Variants in ZNF804B observed in about 807,000 individuals in gnomAD.
ZNF804B encodes the protein zinc finger 804B.
ZNF804B carries 80 observed loss-of-function variants against 101.4 expected under a neutral mutation model. The observed-to-expected ratio is 0.79, with a 90% confidence interval of 0.66 to 0.95. The LOEUF (loss-of-function observed/expected upper bound fraction) is 0.95. ZNF804B is among the 40% of genes least tolerant of loss of function. The pLI, the probability that ZNF804B is intolerant of heterozygous loss-of-function variation, is 0.00. For missense variants in ZNF804B, 1,673 were observed against 1,561.9 expected (o/e 1.07, Z -1.20); for synonymous variants, 622 against 558.8 (o/e 1.11, Z -1.59).
chr7:88,961,055 T>C (rs1793379866), intron 1 of ZNF804B, among the ~76,000 whole-genome samples: 1 of 151,430 alleles, frequency 6.6e-6, no homozygotes, highest in South Asian at 2.1e-4. Context: ...TTTTAGACAT[T>C]AAAGAACTGA....
intron 2 of ZNF804B, among the ~76,000 whole-genome samples, chr7:89,285,331 A>G (rs34362511): frequency 0.16 from 24,636 of 151,092 alleles, 2,507 homozygotes; most frequent in Middle Eastern, 0.28. Context: ...GACCATCCTG[A>G]CTAACACGAT....
chr7:88,836,489 A>G (rs1047471872), intron 1 of ZNF804B, among the ~76,000 whole-genome samples: 3 of 151,936 alleles, frequency 2.0e-5, no homozygotes, highest in African/African-American at 4.8e-5. Context: ...TAACATTTAC[A>G]TTCAGATAGA....
At chr7:89,213,179 T>C (rs1584058438) in intron 1 of ZNF804B, among the ~76,000 whole-genome samples, 2 of 152,168 alleles carry the variant, frequency 1.3e-5, no homozygotes, top group African/African-American at 4.8e-5. Flanking sequence ...AGTTTTCTGT[T>C]ATCCAAGCTG....
rs144117987 is a variant in ZNF804B, at chr7:89,325,755, T to C, written c.250-1589T>C. Among the ~76,000 whole-genome samples, 81 of 152,088 alleles carry C rather than the reference T, an allele frequency of 5.3e-4. 1 individual carries two copies. Among genetic ancestry groups the C allele is most frequent in the Middle Eastern group, 6.8e-3 (2 of 294 alleles). On this transcript the variant is annotated intron_variant, in intron 2 of 3. Coordinates refer to ENST00000333190, the MANE Select transcript of ZNF804B (RefSeq NM_181646.5). ...GGTAATACCTAATATTAAATAAGTA[T>C]AATATGGGGTATTTATATTCAGTAC...
chr7:88,954,316 T>C (rs1328771841), intron 1 of ZNF804B, among the ~76,000 whole-genome samples: 2 of 151,728 alleles, frequency 1.3e-5, no homozygotes, highest in African/African-American at 4.8e-5. Context: ...TTGTTTCAAA[T>C]TGTCATTCTT....
At chr7:89,277,894 T>A (rs1790014437) in intron 2 of ZNF804B, among the ~76,000 whole-genome samples, 1 of 152,112 alleles carries the variant, frequency 6.6e-6, no homozygotes, top group Non-Finnish European at 1.5e-5. Context: ...CAAATGGTAT[T>A]TCTAGTTCTA....
chr7:88,846,230 G>A lies in ZNF804B; in HGVS notation c.108+86146G>A, dbSNP rs761412065. Reference sequence around the variant, plus strand: ...CAATATGATTTACTGGAGCACAGTCGAATACATTTTGCATCTGTAAAACCA... The same window carrying A: ...CAATATGATTTACTGGAGCACAGTCAAATACATTTTGCATCTGTAAAACCA... On this transcript the variant is annotated intron_variant, in intron 1 of 3. Transcript: ENST00000333190. Among the ~76,000 whole-genome samples, 9 of 151,768 alleles carry A rather than the reference G, an allele frequency of 5.9e-5. No individual in the cohort carries two copies. The South Asian group carries it at 1.0e-3, about 18-fold the overall frequency.
intron 2 of ZNF804B, among the ~76,000 whole-genome samples, chr7:89,244,886 A>G (rs1386439119): frequency 1.3e-5 from 2 of 152,196 alleles, no homozygotes; most frequent in African/African-American, 4.8e-5. Flanking sequence ...ATAATTCACA[A>G]TCTTTATGAT....
chr7:89,208,318 G>A (rs1203424009), intron 1 of ZNF804B, among the ~76,000 whole-genome samples: 6 of 152,128 alleles, frequency 3.9e-5, no homozygotes, highest in East Asian at 3.9e-4. Flanking sequence ...TCCTGACCTC[G>A]TGATCCACCC....
Position 88,854,527 on chromosome 7 carries a change from T to TTTCCTTTCCTTCCCTCCCTTCC in ZNF804B, c.108+94449_108+94450insTCCTTCCCTCCCTTCCTTCCTT. ...CTTTCCTTTCCTTTCCTTTCCTTCC[T>TTTCCTTTCCTTCCCTCCCTTCC]TTCCTTCCTTCCTTCCTTCCTTCCT... On this transcript the variant is annotated intron_variant, in intron 1 of 3. Coordinates refer to ENST00000333190, the MANE Select transcript of ZNF804B (RefSeq NM_181646.5). Among the ~76,000 whole-genome samples the TTTCCTTTCCTTCCCTCCCTTCC allele has an allele frequency of 5.0e-5, 2 of 40,074 alleles. 1 individual carries two copies. The highest frequency in any genetic ancestry group is 2.2e-3 in the East Asian group (2 of 922). The allele number at this position is 40,074 out of a possible 152,430, so 26.3% of individuals were successfully genotyped here.
At chr7:89,292,354 A>T (rs1360367704) in intron 2 of ZNF804B, among the ~76,000 whole-genome samples, 1 of 152,134 alleles carries the variant, frequency 6.6e-6, no homozygotes, top group Non-Finnish European at 1.5e-5. Context: ...ACTTTTCAAG[A>T]CATAGTACAA....
At chr7:89,059,186 G>A (rs1789338613) in intron 1 of ZNF804B, among the ~76,000 whole-genome samples, 1 of 152,286 alleles carries the variant, frequency 6.6e-6, no homozygotes, top group African/African-American at 2.4e-5. Context: ...TTGTATGCAG[G>A]ATGGTTGCTT....
At chr7:89,014,043 T>G (rs1028834756) in intron 1 of ZNF804B, among the ~76,000 whole-genome samples, 9 of 152,124 alleles carry the variant, frequency 5.9e-5, no homozygotes, top group Admixed American at 2.0e-4. Context: ...TTTGATATTT[T>G]TATTGCCTTC....
At chr7:88,856,301 C>A (rs1791558330) in intron 1 of ZNF804B, among the ~76,000 whole-genome samples, 1 of 152,092 alleles carries the variant, frequency 6.6e-6, no homozygotes, top group Admixed American at 6.6e-5. Flanking sequence ...GTTTGTAGTT[C>A]TCCTTGAAGA....
At chr7:88,776,867 C>T (rs1790150259) in intron 1 of ZNF804B, among the ~76,000 whole-genome samples, 1 of 140,124 alleles carries the variant, frequency 7.1e-6, no homozygotes, top group East Asian at 2.2e-4. Context: ...GTCAGGATAA[C>T]AGAAATTATT....
chr7:88,898,329 A>T (rs547586121), intron 1 of ZNF804B, among the ~76,000 whole-genome samples: 3 of 151,234 alleles, frequency 2.0e-5, no homozygotes, highest in Admixed American at 2.0e-4. Flanking sequence ...CTTGTGATCC[A>T]CCCGCCTCGG....
chr7:88,786,820 G>A (rs940951272), intron 1 of ZNF804B, among the ~76,000 whole-genome samples: 1 of 151,990 alleles, frequency 6.6e-6, no homozygotes, highest in South Asian at 2.1e-4. Context: ...TTTGATAAAA[G>A]TAAAATTAAC....
intron 1 of ZNF804B, among the ~76,000 whole-genome samples, chr7:88,917,523 A>G (rs907365267): frequency 2.0e-5 from 3 of 152,188 alleles, no homozygotes; most frequent in Non-Finnish European, 2.9e-5. Context: ...TAGTGATTCA[A>G]CAGCTTACTC....
chr7:88,824,941 T>G (rs946978650), intron 1 of ZNF804B, among the ~76,000 whole-genome samples: 1 of 152,162 alleles, frequency 6.6e-6, no homozygotes, highest in Admixed American at 6.6e-5. Context: ...AAGGCAATCT[T>G]AATCATGTAT....
Sources: gnomAD v4.1 joint callset for allele counts (sites outside exome capture counted in the v4.1 genomes callset) on GRCh38, gnomAD v4.1.1 for gene constraint, MANE v1.5 for transcripts, NCBI Gene and HGNC (gene_info 2026-07-23, HGNC 2026-07-21) for gene names.